Variants in GNPTAB observed in about 807,000 individuals in gnomAD.
GNPTAB encodes the protein N-acetylglucosamine-1-phosphotransferase subunits alpha/beta.
In GNPTAB, 92 loss-of-function variants were observed where a neutral mutation model predicts 136.6. The ratio of observed to expected loss-of-function variants is 0.67; its 90% CI spans 0.57 to 0.80. The LOEUF (loss-of-function observed/expected upper bound fraction) is 0.80. Ranked by LOEUF, GNPTAB falls within the 30% of genes least tolerant of loss-of-function variation. GNPTAB has a pLI of 0.00. For missense variants in GNPTAB, 1,343 were observed against 1,501.8 expected (o/e 0.89, Z 1.75); for synonymous variants, 512 against 535.1 (o/e 0.96, Z 0.60).
At position 101,801,539 on chromosome 12, in the gene GNPTAB, C is replaced by CAAAAAAA. The variant is rs36066248; in HGVS notation, c.118-4784_118-4778dup. ...TGGGTGACAGAAAGAGACCCTGTCTCAAAAAAAAAAAAAAAAAAAAAAAAA... is the reference window on the plus strand; with the variant it reads ...TGGGTGACAGAAAGAGACCCTGTCTCAAAAAAAAAAAAAAAAAAAAAAAAAAAAAAAA... On this transcript the variant is annotated intron_variant, in intron 1 of 20. Coordinates refer to ENST00000299314, the MANE Select transcript of GNPTAB (RefSeq NM_024312.5). Among the ~76,000 whole-genome samples, 333 of 42,552 alleles carry CAAAAAAA rather than the reference C, an allele frequency of 7.8e-3. 15 individuals are homozygous for CAAAAAAA. Among genetic ancestry groups the CAAAAAAA allele is most frequent in the African/African-American group, 0.012 (165 of 14,248 alleles). The allele number at this position is 42,552 out of a possible 152,430, so 27.9% of individuals were successfully genotyped here. A position where few individuals can be genotyped will look rare whatever the true frequency, so the allele number is the denominator to read the frequency against.
At chr12:101,804,034 C>A (rs79269036) in intron 1 of GNPTAB, among the ~76,000 whole-genome samples, 1 of 151,666 alleles carries the variant, frequency 6.6e-6, no homozygotes, top group Non-Finnish European at 1.5e-5. Context: ...AAGTTCAAGA[C>A]CAGTCTGGGC....
Position 101,766,289 on chromosome 12 carries a change from T to C in GNPTAB, c.1414A>G (p.Ser472Gly), listed in dbSNP as rs1248162160. ...CCTGCAATATAGCGACTCCCTCCAC[T>C]GTTTCCTGTAGATCGGAGGAAGAAG... ...DWDGGDCSGN[S>G]GGSRYIAGGG... is the part of the protein sequence containing the mutation. Residue 472 changes from serine to glycine, a missense_variant, in exon 12 of 21, where the codon AGT becomes GGT. By Grantham distance (56) the Ser-to-Gly change is moderately conservative. Transcript: ENST00000299314. 3 of 1,613,234 alleles carry C rather than the reference T, an allele frequency of 1.9e-6. No individual in the cohort carries two copies. Among genetic ancestry groups the C allele is most frequent in the Non-Finnish European group, 2.5e-6 (3 of 1,179,332 alleles).
At chr12:101,779,003 T>C (rs1391292646) in intron 7 of GNPTAB, 2 of 151,956 alleles carry the variant, frequency 1.3e-5, no homozygotes, top group African/African-American at 2.4e-5. Flanking sequence ...CAATGTATCA[T>C]AAAACAGTAA....
Position 101,766,145 on chromosome 12 carries a change from C to A in GNPTAB, c.1558G>T (p.Asp520Tyr). The A allele has an allele frequency of 1.2e-6, 2 of 1,614,132 alleles. No individual in the cohort carries two copies. Among genetic ancestry groups the A allele is most frequent in the South Asian group, 2.2e-5 (2 of 91,054 alleles). ...ANSWLADKFC[D>Y]QACNVLSCGF... ...CAGGACAAGACATTGCATGCTTGGT[C>A]ACAGAACTTATCAGCGAGCCAGGAA... The change falls in exon 12 of 21, where the codon GAC (aspartate) becomes TAC (tyrosine). Residue 520 changes from aspartate to tyrosine, a missense_variant. Physicochemically the swap from Asp to Tyr is radical, Grantham distance 160 (BLOSUM62 -3). Transcript: ENST00000299314.
intron 18 of GNPTAB, among the ~76,000 whole-genome samples, chr12:101,755,734 G>A (rs188492345): frequency 6.6e-6 from 1 of 152,224 alleles, no homozygotes; most frequent in African/African-American, 2.4e-5. Flanking sequence ...AGCCTTCGTC[G>A]AAATAAAACA....
intron 1 of GNPTAB, among the ~76,000 whole-genome samples, chr12:101,802,160 T>TACACTCA (rs1450409646): frequency 8.0e-6 from 1 of 125,152 alleles, no homozygotes; most frequent in Non-Finnish European, 1.6e-5. Context: ...ATTGTACCAG[T>TACACTCA]ACACTCAAGC....
chr12:101,789,957 C>T lies in GNPTAB; in HGVS notation c.304G>A (p.Glu102Lys), dbSNP rs1399745492. The T allele has an allele frequency of 1.2e-6, 2 of 1,614,182 alleles. No individual in the cohort carries two copies. The highest frequency in any genetic ancestry group is 2.2e-5 in the East Asian group (1 of 44,884). Residue 102 changes from glutamate (E) to lysine (K), a missense_variant, in exon 3 of 21, where the codon GAG becomes AAG. Glu to Lys is a moderately conservative substitution (Grantham distance 56). Transcript: ENST00000299314. ...TTTTACCTCATTGCTTTCTGCTCCT[C>T]CTCCATCTGTTCTCTGACCTGCTGT... Reference protein sequence around the residue: ...ELQQVREQMEEEQKAMREILG... With the variant: ...ELQQVREQMEKEQKAMREILG...
chr12:101,746,991 TTAAA>T lies in GNPTAB; in HGVS notation c.*169_*172del. ...AACACACAAGTTTTCAGTGGGTTGGTTAAATAATTCCTGGTCAGTGGGCTATATT... is the reference window on the plus strand; with the variant it reads ...AACACACAAGTTTTCAGTGGGTTGGTTAATTCCTGGTCAGTGGGCTATATT... On this transcript the variant is annotated 3_prime_UTR_variant, in exon 21 of 21. Transcript: ENST00000299314. 1 of 619,246 alleles carries T rather than the reference TTAAA, an allele frequency of 1.6e-6. No individual in the cohort carries two copies. 38.4% of individuals were successfully genotyped at this position (619,246 alleles called of 1,614,324 possible).
intron 12 of GNPTAB, chr12:101,765,680 C>T (rs1594215249): frequency 2.9e-6 from 1 of 344,202 alleles, no homozygotes; most frequent in East Asian, 7.3e-5. Context: ...CAATAAATTA[C>T]AATAATCAAT....
At chr12:101,761,813 T>A (rs756994182) in intron 13 of GNPTAB, 50 bp from the exon 14 acceptor site, 1 of 1,319,870 alleles carries the variant, frequency 7.6e-7, no homozygotes, top group Non-Finnish European at 1.1e-6. Flanking sequence ...AGTGCACAAG[T>A]GTACTTTGTT....
intron 1 of GNPTAB, among the ~76,000 whole-genome samples, chr12:101,822,388 T>G (rs982557598): frequency 6.6e-6 from 1 of 152,096 alleles, no homozygotes; most frequent in African/African-American, 2.4e-5. Flanking sequence ...CACTCCAACC[T>G]GGGCGACAGC....
chr12:101,824,434 T>TA (rs1566103110), intron 1 of GNPTAB, among the ~76,000 whole-genome samples: 5 of 67,972 alleles, frequency 7.4e-5, no homozygotes, highest in African/African-American at 2.5e-4. Flanking sequence ...ATATATATAT[T>TA]TTCTTTTTTT....
intron 20 of GNPTAB, among the ~76,000 whole-genome samples, chr12:101,747,897 TATAG>T (rs1203542522): frequency 1.3e-5 from 2 of 151,992 alleles, no homozygotes; most frequent in Admixed American, 6.6e-5. Context: ...GATAGACTGG[TATAG>T]ATAGAGGAAA....
chr12:101,807,513 A>T (rs559607319), intron 1 of GNPTAB, among the ~76,000 whole-genome samples: 6 of 146,872 alleles, frequency 4.1e-5, no homozygotes, highest in Admixed American at 1.4e-4. Context: ...TTTGAATAGA[A>T]GAAAAAAAAA....
At chr12:101,778,603 T>A (rs933514790) in intron 7 of GNPTAB, 1 of 152,148 alleles carries the variant, frequency 6.6e-6, no homozygotes, top group South Asian at 2.1e-4. Flanking sequence ...TATTTCAAAG[T>A]ACAATAAAGA....
Position 101,793,107 on chromosome 12 carries a change from C to T in GNPTAB, c.204-3050G>A, listed in dbSNP as rs73394409. 3.7e-3 allele frequency among the ~76,000 whole-genome samples: 568 copies of T among 152,186 alleles called. 5 individuals are homozygous for T. Among genetic ancestry groups the T allele is most frequent in the African/African-American group, 0.013 (523 of 41,520 alleles). ...GTTCATTTTGTTCACCACTATATAC[C>T]TAGGGCCTAGAATAGTTCCTCCTAC... On this transcript the variant is annotated intron_variant, in intron 2 of 20. Transcript: ENST00000299314.
At position 101,768,113 on chromosome 12, in the gene GNPTAB, A is replaced by AC. The variant is rs281864976; in HGVS notation, c.1331dup (p.Ser445PhefsTer4). ...CACAATAGCCATCCTTAATCCAGGA[A>AC]CCTGGGCAGCCCTCGGCACAGTTTG... is the stretch of plus-strand genomic sequence containing the variant. On this transcript the variant is annotated frameshift_variant, in exon 11 of 21. Transcript: ENST00000299314. LOFTEE classifies it high-confidence loss of function. The AC allele has an allele frequency of 6.2e-7, 1 of 1,614,130 alleles. No individual in the cohort carries two copies. Among genetic ancestry groups the AC allele is most frequent in the Non-Finnish European group, 8.5e-7 (1 of 1,179,940 alleles).
In GNPTAB at chr12:101,749,093, A is replaced by C; in HGVS notation, c.3693+8T>G. ...ATTTAATACCCACATAAAATATATA[A>C]AACTTACCTGCTCAGCAAAAAATGA... On this transcript the variant is annotated splice_region_variant and intron_variant, in intron 20 of 20. Coordinates refer to ENST00000299314, the MANE Select transcript of GNPTAB (RefSeq NM_024312.5). 6.5e-7 allele frequency: 1 copy of C among 1,534,860 alleles called. No homozygotes were observed. The highest frequency in any genetic ancestry group is 9.0e-7 in the Non-Finnish European group (1 of 1,108,798).
chr12:101,811,383 C>CTTTTTTTTTTTTTT (rs11356611), intron 1 of GNPTAB, among the ~76,000 whole-genome samples: 1 of 142,576 alleles, frequency 7.0e-6, no homozygotes, highest in Non-Finnish European at 1.5e-5. Context: ...ATAATTTTTT[C>CTTTTTTTTTTTTTT]TTTTTTTTTT....
Sources: gnomAD v4.1 joint callset for allele counts (sites outside exome capture counted in the v4.1 genomes callset) on GRCh38, gnomAD v4.1.1 for gene constraint, MANE v1.5 for transcripts, NCBI Gene and HGNC (gene_info 2026-07-23, HGNC 2026-07-21) for gene names.